The following TRIM44 variants were observed in gnomAD, a reference collection of about 807,000 sequenced individuals.
The protein encoded by TRIM44 is tripartite motif-containing protein 44.
TRIM44 carries 13 observed loss-of-function variants against 37.4 expected under a neutral mutation model. The observed-to-expected ratio is 0.35, with a 90% CI of 0.23 to 0.55. The LOEUF is 0.55. Ranked by LOEUF, TRIM44 falls within the 20% of genes least tolerant of loss-of-function variation. TRIM44 has a pLI of 0.89. For synonymous variants in TRIM44, 175 were observed against 157.2 expected, an observed-to-expected ratio of 1.11 and a Z score of -0.85; for missense variants, 426 against 437.2, an observed-to-expected ratio of 0.97 and a Z score of 0.23.
Position 35,674,074 on chromosome 11 carries a change from C to T in TRIM44, c.669+10294C>T, listed in dbSNP as rs115070514. Among the ~76,000 whole-genome samples the T allele has an allele frequency of 4.5e-3, 686 of 152,130 alleles. 7 individuals are homozygous for T. The highest frequency in any genetic ancestry group is 0.016 in the African/African-American group (648 of 41,486). ...GGTGGCAGTAAGGAACACAGATGCT[C>T]ATGGACCTTTCAGAATAGGAGACGT... On this transcript the variant is annotated intron_variant, in intron 1 of 4. Transcript: ENST00000299413.
At chr11:35,698,001 T>C (rs1332610739) in intron 2 of TRIM44, among the ~76,000 whole-genome samples, 1 of 151,798 alleles carries the variant, frequency 6.6e-6, no homozygotes, top group Non-Finnish European at 1.5e-5. Context: ...ATGGTATTTC[T>C]AGTTCTAGAT....
chr11:35,766,733 T>C (rs948983731), intron 4 of TRIM44, among the ~76,000 whole-genome samples: 4 of 152,228 alleles, frequency 2.6e-5, no homozygotes, highest in African/African-American at 4.8e-5. Context: ...TTCCATCTCT[T>C]ACTAATTCAG....
In TRIM44 at chr11:35,780,346, T is replaced by C. The variant is rs189904830; in HGVS notation, c.1008-26012T>C. Among the ~76,000 whole-genome samples the C allele has an allele frequency of 8.5e-5, 13 of 152,358 alleles. No homozygotes were observed. In the South Asian group the frequency reaches 1.7e-3, roughly 19 times the overall value. ...CTAATGTCCTTGCAAGGTAGACTCA[T>C]GCTTAGTGTTTTGAGAATGTACTCA... On this transcript the variant is annotated intron_variant, in intron 4 of 4. Coordinates refer to ENST00000299413, the MANE Select transcript of TRIM44 (RefSeq NM_017583.6).
At chr11:35,727,874 C>G (rs1231813136) in intron 3 of TRIM44, among the ~76,000 whole-genome samples, 1 of 152,138 alleles carries the variant, frequency 6.6e-6, no homozygotes, top group Non-Finnish European at 1.5e-5. Flanking sequence ...CTTTGCATAC[C>G]TTTACAATGT....
intron 4 of TRIM44, among the ~76,000 whole-genome samples, chr11:35,740,096 TAA>T (rs1258985035): frequency 1.4e-3 from 90 of 64,556 alleles, no homozygotes; most frequent in African/African-American, 4.0e-3. Context: ...AGACTCTGTC[TAA>T]AAAAAAAAAA....
intron 4 of TRIM44, among the ~76,000 whole-genome samples, chr11:35,747,350 G>A (rs1852504622): frequency 6.6e-6 from 1 of 152,126 alleles, no homozygotes; most frequent in African/African-American, 2.4e-5. Flanking sequence ...ATTTTTGTTT[G>A]TGTATATGAA....
At chr11:35,770,748 T>C (rs1307408914) in intron 4 of TRIM44, among the ~76,000 whole-genome samples, 1 of 152,180 alleles carries the variant, frequency 6.6e-6, no homozygotes, top group East Asian at 1.9e-4. Flanking sequence ...TTCCCATAAT[T>C]ACCATGTGTT....
chr11:35,689,847 TA>T (rs1424738383), intron 2 of TRIM44, among the ~76,000 whole-genome samples: 1 of 152,234 alleles, frequency 6.6e-6, no homozygotes, highest in East Asian at 1.9e-4. Flanking sequence ...TACAACATGC[TA>T]AGCTCAATCA....
chr11:35,711,339 T>C (rs1851968840), intron 2 of TRIM44, among the ~76,000 whole-genome samples: 1 of 152,176 alleles, frequency 6.6e-6, no homozygotes, highest in Non-Finnish European at 1.5e-5. Context: ...GTTAAAAACC[T>C]GATGTTGGCC....
chr11:35,665,345 A>G (rs1233990626), intron 1 of TRIM44, among the ~76,000 whole-genome samples: 1 of 152,160 alleles, frequency 6.6e-6, no homozygotes, highest in Non-Finnish European at 1.5e-5. Flanking sequence ...TTGAATCACT[A>G]TGAAGAGTAT....
chr11:35,758,300 C>T (rs924992417), intron 4 of TRIM44, among the ~76,000 whole-genome samples: 3 of 152,188 alleles, frequency 2.0e-5, no homozygotes, highest in Non-Finnish European at 2.9e-5. Context: ...AAGTTTGTTT[C>T]ATCAGAGACT....
At position 35,806,897 on chromosome 11, in the gene TRIM44, T is replaced by G. The variant is rs1590614961; in HGVS notation, c.*512T>G. On this transcript the variant is annotated 3_prime_UTR_variant, in exon 5 of 5. Transcript: ENST00000299413. ...AGTCCAGTTCTACATTTGTGAAAATTGTGGTGCCATGAATTAAGATGGATG... is the reference window on the plus strand; with the variant it reads ...AGTCCAGTTCTACATTTGTGAAAATGGTGGTGCCATGAATTAAGATGGATG... 3.3e-5 allele frequency: 5 copies of G among 152,888 alleles called. No homozygotes were observed. Among genetic ancestry groups the G allele is most frequent in the Admixed American group, 3.2e-4 (5 of 15,392 alleles). 9.5% of individuals were successfully genotyped at this position (152,888 alleles called of 1,614,324 possible). A position where few individuals can be genotyped will look rare whatever the true frequency, so the allele number is the denominator to read the frequency against.
At chr11:35,784,103 G>C (rs1853098799) in intron 4 of TRIM44, among the ~76,000 whole-genome samples, 1 of 152,128 alleles carries the variant, frequency 6.6e-6, no homozygotes. Flanking sequence ...GGCAAGTGTT[G>C]GTTCATGACG....
intron 2 of TRIM44, among the ~76,000 whole-genome samples, chr11:35,706,637 T>C (rs1254938757): frequency 6.6e-6 from 1 of 152,076 alleles, no homozygotes; most frequent in East Asian, 1.9e-4. Flanking sequence ...TAATCTAGCA[T>C]ATAAACAGAA....
chr11:35,738,742 T>C (rs1282302080), intron 4 of TRIM44, among the ~76,000 whole-genome samples: 1 of 152,100 alleles, frequency 6.6e-6, no homozygotes, highest in East Asian at 1.9e-4. Flanking sequence ...AATTAGAGTT[T>C]GATGTATAAG....
At chr11:35,722,250 T>C (rs1316859653) in intron 2 of TRIM44, among the ~76,000 whole-genome samples, 4 of 152,206 alleles carry the variant, frequency 2.6e-5, no homozygotes, top group Non-Finnish European at 5.9e-5. Flanking sequence ...TTTCATGCAG[T>C]CTACAATTTT....
Position 35,811,286 on chromosome 11 carries a change from G to C in TRIM44, c.*4901G>C, listed in dbSNP as rs1286815984. 2 of 152,128 alleles carry C rather than the reference G, an allele frequency of 1.3e-5. No individual in the cohort carries two copies. Among genetic ancestry groups the C allele is most frequent in the African/African-American group, 2.4e-5 (1 of 41,434 alleles). 9.4% of individuals were successfully genotyped at this position (152,128 alleles called of 1,614,324 possible). A position where few individuals can be genotyped will look rare whatever the true frequency, so the allele number is the denominator to read the frequency against. ...ATAAGTTTTCTCCTCAAAGTAAAAT[G>C]ATCCAGGCCTAGATTACATTTTATG... On this transcript the variant is annotated 3_prime_UTR_variant, in exon 5 of 5. Coordinates refer to ENST00000299413, the MANE Select transcript of TRIM44 (RefSeq NM_017583.6).
intron 4 of TRIM44, among the ~76,000 whole-genome samples, chr11:35,798,684 A>T (rs1853326362): frequency 6.6e-6 from 1 of 152,206 alleles, no homozygotes; most frequent in Non-Finnish European, 1.5e-5. Context: ...GAAATAATTT[A>T]AATGCCCAAT....
Position 35,808,750 on chromosome 11 carries a change from G to C in TRIM44, c.*2365G>C, listed in dbSNP as rs1853488654. On this transcript the variant is annotated 3_prime_UTR_variant, in exon 5 of 5. Coordinates refer to ENST00000299413, the MANE Select transcript of TRIM44 (RefSeq NM_017583.6). Reference sequence around the variant, plus strand: ...TTTAACCAGGGAAGCATTAAACACAGTGCAGCAGCTTTTGCCCAGGCTTCT... The same window carrying C: ...TTTAACCAGGGAAGCATTAAACACACTGCAGCAGCTTTTGCCCAGGCTTCT... The C allele has an allele frequency of 6.6e-6, 1 of 152,230 alleles. No individual in the cohort carries two copies. Among genetic ancestry groups the C allele is most frequent in the Non-Finnish European group, 1.5e-5 (1 of 68,048 alleles). 9.4% of individuals were successfully genotyped at this position (152,230 alleles called of 1,614,324 possible).
Sources: gnomAD v4.1 joint callset for allele counts (sites outside exome capture counted in the v4.1 genomes callset) on GRCh38, gnomAD v4.1.1 for gene constraint, MANE v1.5 for transcripts, NCBI Gene and HGNC (gene_info 2026-07-23, HGNC 2026-07-21) for gene names.